KIF13B: variants seen among roughly 807,000 people sequenced by gnomAD.
KIF13B encodes the protein kinesin-like protein KIF13B.
KIF13B carries 127 observed loss-of-function variants against 222.0 expected under a neutral mutation model. The ratio of observed to expected loss-of-function variants is 0.57; its 90% CI spans 0.50 to 0.66. The LOEUF (loss-of-function observed/expected upper bound fraction) is 0.66, where lower values mean the gene tolerates loss of function less well. KIF13B is among the 30% of genes least tolerant of loss of function. The pLI is 0.00. For synonymous variants in KIF13B, 976 were observed against 919.0 expected (o/e 1.06, Z -1.12); for missense variants, 2,173 against 2,379.0 (o/e 0.91, Z 1.80).
At chr8:29,260,129 C>A (rs1237802134) in intron 1 of KIF13B, among the ~76,000 whole-genome samples, 1 of 152,156 alleles carries the variant, frequency 6.6e-6, no homozygotes, top group Non-Finnish European at 1.5e-5. Flanking sequence ...TAATGCTTAA[C>A]CTTCAAATAA....
rs781305789 is a variant in KIF13B at position 29,070,563 on chromosome 8, G to A, written c.5422C>T (p.Leu1808=). Residue 1808 remains leucine, a synonymous_variant, in exon 40 of 40, where the codon CTG becomes TTG. Transcript: ENST00000524189. This position sits in a 1 kb window ranked among gnomAD's most constrained non-coding sequence, Gnocchi z 4.1. ...TTGTGGCTCCTGTCGGCCTTGGCCA[G>A]GGCAGCTGTCAGCGAGGCCAGGTTG... ...ATNLASLTAA[L]AKADRSHKNP... is the part of the protein sequence containing the mutation. 33 of 1,607,634 alleles carry A rather than the reference G, an allele frequency of 2.1e-5. No individual in the cohort carries two copies. The highest frequency in any genetic ancestry group is 2.7e-5 in the Non-Finnish European group (32 of 1,177,604).
intron 1 of KIF13B, among the ~76,000 whole-genome samples, chr8:29,252,007 G>GAAAGGAAAAA (rs1478734391): frequency 1.1e-4 from 16 of 146,048 alleles, no homozygotes; most frequent in African/African-American, 3.0e-4. Flanking sequence ...GGAAAGGAAA[G>GAAAGGAAAAA]AAAGGAAAAA....
chr8:29,090,322 G>A (rs191250880), intron 37 of KIF13B, among the ~76,000 whole-genome samples: 95 of 152,202 alleles, frequency 6.2e-4, no homozygotes, highest in African/African-American at 2.2e-3. Flanking sequence ...AACAGCTAAA[G>A]CCACGGAACT....
intron 2 of KIF13B, among the ~76,000 whole-genome samples, chr8:29,198,791 C>T (rs1312664308): frequency 1.3e-5 from 2 of 152,082 alleles, no homozygotes; most frequent in Non-Finnish European, 2.9e-5. Context: ...AGCTGGAGGC[C>T]ACTATTCTAA....
chr8:29,221,780 G>A (rs774929202), intron 2 of KIF13B, among the ~76,000 whole-genome samples: 10 of 152,042 alleles, frequency 6.6e-5, no homozygotes, highest in Admixed American at 2.6e-4. Context: ...AAAGGATAAT[G>A]CCCAAAATAT....
At chr8:29,263,259 G>A (rs1457901950), upstream of KIF13B, 3 of 536,904 alleles carry the variant, frequency 5.6e-6, no homozygotes, top group Non-Finnish European at 9.7e-6. Context: ...GGGAATGCTC[G>A]GGCGCGAGTC....
At chr8:29,081,244 G>A (rs1807797053) in intron 37 of KIF13B, among the ~76,000 whole-genome samples, 1 of 152,194 alleles carries the variant, frequency 6.6e-6, no homozygotes, top group African/African-American at 2.4e-5. Context: ...TGCCACTCCT[G>A]AGGCTCTGTA....
rs543954072 is a variant in KIF13B at position 29,251,182 on chromosome 8, T to C, written c.56-5743A>G. Among the ~76,000 whole-genome samples the C allele has an allele frequency of 3.3e-5, 5 of 152,068 alleles. No individual in the cohort carries two copies. In the East Asian group the frequency reaches 5.8e-4, roughly 18 times the overall value. ...AAAAAAAGGCAAAACAATGATTAAA[T>C]AGCAGTTACAAATTTAAGCCTTAAA... On this transcript the variant is annotated intron_variant, in intron 1 of 39. Transcript: ENST00000524189.
intron 16 of KIF13B, among the ~76,000 whole-genome samples, 195 bp from the exon 17 acceptor site, chr8:29,147,797 T>C (rs1410342832): frequency 6.6e-6 from 1 of 152,202 alleles, no homozygotes; most frequent in Non-Finnish European, 1.5e-5. Flanking sequence ...TCCTCAACCA[T>C]CTTCCCTGCA....
At chr8:29,102,471 A>T (rs1461249937) in intron 35 of KIF13B, among the ~76,000 whole-genome samples, 1 of 152,220 alleles carries the variant, frequency 6.6e-6, no homozygotes, top group African/African-American at 2.4e-5. Flanking sequence ...GTCGATACTG[A>T]AGTCACTGGT....
chr8:29,136,795 G>GTTTTTTTTT (rs1203051867), intron 21 of KIF13B, among the ~76,000 whole-genome samples: 1 of 116,840 alleles, frequency 8.6e-6, no homozygotes, highest in Non-Finnish European at 1.8e-5. Flanking sequence ...CCTGTAACAG[G>GTTTTTTTTT]TTTTTTTTTT....
chr8:29,203,902 A>AG, intron 2 of KIF13B, among the ~76,000 whole-genome samples: 1 of 151,252 alleles, frequency 6.6e-6, no homozygotes, highest in Middle Eastern at 3.4e-3. Flanking sequence ...CAAAAAAAAA[A>AG]AAAAAAAAAA....
chr8:29,180,938 T>C (rs879660962), intron 7 of KIF13B, among the ~76,000 whole-genome samples: 6 of 151,874 alleles, frequency 4.0e-5, no homozygotes, highest in African/African-American at 1.2e-4. Context: ...GTGAGAAAAA[T>C]GTATGTGCAA....
chr8:29,152,431 C>T (rs1331379562), intron 14 of KIF13B, among the ~76,000 whole-genome samples: 1 of 152,154 alleles, frequency 6.6e-6, no homozygotes, highest in Non-Finnish European at 1.5e-5. Flanking sequence ...AAAAGTCAAT[C>T]AATGTGGCAA....
rs1236792923 is a variant in KIF13B at position 29,208,790 on chromosome 8, T to C, written c.150-12591A>G. Reference sequence around the variant, plus strand: ...TCAGAATCAGCAAGAGAAAGTCAAGTATGCTCCCCACAACAAGCACCTAAG... The same window carrying C: ...TCAGAATCAGCAAGAGAAAGTCAAGCATGCTCCCCACAACAAGCACCTAAG... On this transcript the variant is annotated intron_variant, in intron 2 of 39. Transcript: ENST00000524189. Among the ~76,000 whole-genome samples the C allele has an allele frequency of 4.6e-5, 7 of 152,312 alleles. No individual in the cohort carries two copies. In the East Asian group the frequency reaches 1.2e-3, roughly 25 times the overall value.
intron 2 of KIF13B, among the ~76,000 whole-genome samples, chr8:29,223,164 C>CAAAAAAAAAAAAAAAAAAAAAAAA (rs375009923): frequency 8.8e-6 from 1 of 113,166 alleles, no homozygotes; most frequent in Non-Finnish European, 1.8e-5. Context: ...CAAAAAAATA[C>CAAAAAAAAAAAAAAAAAAAAAAAA]AAAAAAAAAA....
chr8:29,078,187 C>T (rs1003551152), intron 37 of KIF13B, among the ~76,000 whole-genome samples: 1 of 147,162 alleles, frequency 6.8e-6, no homozygotes, highest in Middle Eastern at 3.7e-3. Flanking sequence ...CCCAGCTACT[C>T]GGGAGGCTGA....
chr8:29,235,595 C>T (rs1409440563), intron 2 of KIF13B, among the ~76,000 whole-genome samples: 1 of 152,094 alleles, frequency 6.6e-6, no homozygotes, highest in Non-Finnish European at 1.5e-5. Flanking sequence ...CAGTGGCCCC[C>T]ACTTTCTAGC....
intron 2 of KIF13B, among the ~76,000 whole-genome samples, chr8:29,219,923 G>A (rs151147110): frequency 0.015 from 2,341 of 152,126 alleles, 55 homozygotes; most frequent in African/African-American, 0.053. Flanking sequence ...CATTAGCCGG[G>A]TGTGGTGGTG....
Sources: gnomAD v4.1 joint callset for allele counts (sites outside exome capture counted in the v4.1 genomes callset) on GRCh38, gnomAD v4.1.1 for gene constraint, Gnocchi (gnomAD v3.1) non-coding constraint, MANE v1.5 for transcripts, NCBI Gene and HGNC (gene_info 2026-07-23, HGNC 2026-07-21) for gene names.